The following NFIB variants were observed in gnomAD, a reference collection of about 807,000 sequenced individuals.
NFIB encodes nuclear factor I B, also known as nuclear factor 1 B-type.
A neutral mutation model predicts 61.5 loss-of-function variants in NFIB; 11 were observed. That is an observed-to-expected ratio of 0.18 (90% confidence interval 0.11 to 0.30). The LOEUF is 0.30. Ranked by LOEUF, NFIB falls within the 10% of genes least tolerant of loss-of-function variation. The probability of loss-of-function intolerance (pLI) is 1.00; values close to 1 mark genes in which losing one functional copy is unlikely to be tolerated. For missense variants in NFIB, 471 were observed against 608.9 expected (o/e 0.77, Z 2.38); for synonymous variants, 260 against 216.5 (o/e 1.20, Z -1.76).
intron 2 of NFIB, among the ~76,000 whole-genome samples, chr9:14,241,371 A>G (rs1398673942): frequency 6.6e-6 from 1 of 152,224 alleles, no homozygotes; most frequent in African/African-American, 2.4e-5. Flanking sequence ...TTCATAATAC[A>G]TAAGTATAAA....
At chr9:14,168,453 G>A (rs978455203) in intron 3 of NFIB, among the ~76,000 whole-genome samples, 3 of 152,222 alleles carry the variant, frequency 2.0e-5, no homozygotes, top group African/African-American at 7.2e-5. Flanking sequence ...ATTCTAGGCA[G>A]AGAAACAACA....
At chr9:14,405,478 G>A in the NFIB span, among the ~76,000 whole-genome samples, 2 of 152,232 alleles carry the variant, frequency 1.3e-5, no homozygotes, top group African/African-American at 4.8e-5. Flanking sequence ...CTGGAAAGAT[G>A]AAGATCTATG....
At chr9:14,365,901 A>G (rs1014665956) in intron 1 of NFIB, among the ~76,000 whole-genome samples, 1 of 151,902 alleles carries the variant, frequency 6.6e-6, no homozygotes, top group Non-Finnish European at 1.5e-5. Flanking sequence ...CTACCCAGGA[A>G]CTCCTTCCAT....
chr9:14,195,182 AC>A (rs1268212839), intron 2 of NFIB, among the ~76,000 whole-genome samples: 30 of 152,256 alleles, frequency 2.0e-4, no homozygotes, highest in African/African-American at 7.0e-4. Context: ...AAAACAAAAA[AC>A]AAAAAACTTT....
chr9:14,521,484 T>C, the NFIB span, among the ~76,000 whole-genome samples: 1 of 152,308 alleles, frequency 6.6e-6, no homozygotes, highest in Non-Finnish European at 1.5e-5. Context: ...TGGGCCTCAG[T>C]ATTTTTCTGC....
intron 2 of NFIB, 41 bp from the exon 3 acceptor site, chr9:14,179,821 T>C: frequency 6.2e-7 from 1 of 1,601,966 alleles, no homozygotes; most frequent in Non-Finnish European, 8.5e-7. Flanking sequence ...TTTAATTTGT[T>C]TTGAAAGAAT....
chr9:14,146,839 G>A (rs1162334977), intron 5 of NFIB, 32 bp from the exon 6 acceptor site: 5 of 1,593,812 alleles, frequency 3.1e-6, no homozygotes, highest in Non-Finnish European at 4.3e-6. Flanking sequence ...TATATTAATG[G>A]GATTTCTGGG....
intron 2 of NFIB, among the ~76,000 whole-genome samples, chr9:14,196,952 T>G (rs1437825759): frequency 3.3e-5 from 5 of 152,240 alleles, no homozygotes; most frequent in Non-Finnish European, 1.5e-5. Context: ...ACTTGGCAGT[T>G]TGAATCCAAT....
chr9:14,116,029 T>G (rs1209703767), intron 9 of NFIB, among the ~76,000 whole-genome samples, 179 bp downstream of exon 9: 1 of 152,248 alleles, frequency 6.6e-6, no homozygotes, highest in African/African-American at 2.4e-5. Flanking sequence ...GAGCCTGTGA[T>G]AGCAGGGCCA....
At chr9:14,095,919 T>C (rs976498508) in intron 10 of NFIB, among the ~76,000 whole-genome samples, 1 of 152,226 alleles carries the variant, frequency 6.6e-6, no homozygotes, top group African/African-American at 2.4e-5. Flanking sequence ...TGTAACTTTC[T>C]GCAATTTCAG....
At chr9:14,403,186 C>T (rs945091632), upstream of NFIB, among the ~76,000 whole-genome samples, 1 of 152,198 alleles carries the variant, frequency 6.6e-6, no homozygotes, top group Non-Finnish European at 1.5e-5. Flanking sequence ...TGGCTCTGCA[C>T]TCTTAAAATC....
At chr9:14,204,442 G>A in intron 2 of NFIB, 2 of 1,100,702 alleles carry the variant, frequency 1.8e-6, no homozygotes, top group Non-Finnish European at 1.4e-6. Flanking sequence ...GGTTGCAGCG[G>A]CAGAGAGTCA....
the NFIB span, among the ~76,000 whole-genome samples, chr9:14,445,555 C>A: frequency 6.6e-6 from 1 of 152,098 alleles, no homozygotes; most frequent in Non-Finnish European, 1.5e-5. Context: ...AATACTCTGG[C>A]TTCTATTTAG....
rs192918406 is a variant in NFIB, at chr9:14,146,235, T to C, written c.925+454A>G. 3.8e-4 allele frequency among the ~76,000 whole-genome samples: 58 copies of C among 152,298 alleles called. No individual in the cohort carries two copies. The East Asian group carries it at 0.01, about 26-fold the overall frequency. On this transcript the variant is annotated intron_variant, in intron 6 of 10. Coordinates refer to ENST00000380953, the MANE Select transcript of NFIB (RefSeq NM_001190737.2). Reference sequence around the variant, plus strand: ...GTATCTTACATTACACTTTTCTTTATTGTATATGGTCTACCTACTTCCAAA... The same window carrying C: ...GTATCTTACATTACACTTTTCTTTACTGTATATGGTCTACCTACTTCCAAA...
intron 1 of NFIB, among the ~76,000 whole-genome samples, chr9:14,394,137 AG>A (rs1254151282): frequency 1.3e-5 from 2 of 152,234 alleles, no homozygotes; most frequent in African/African-American, 4.8e-5. Flanking sequence ...GGGGTGAATA[AG>A]AAAGGCCTAT....
chr9:14,313,438 T>C lies in NFIB; in HGVS notation c.30+44A>G. 6.2e-7 allele frequency: 1 copy of C among 1,613,188 alleles called. No individual in the cohort carries two copies. Among genetic ancestry groups the C allele is most frequent in the Non-Finnish European group, 8.5e-7 (1 of 1,179,524 alleles). On this transcript the variant is annotated intron_variant, in intron 1 of 10. Transcript: ENST00000380953. The surrounding 1 kb of genome is among the most constrained non-coding windows in gnomAD (Gnocchi z 4.5). ...CCGCAACAAAACAAAACAAAGGCATTTCGGGCCAGAGAGAAAGCTCGAGAA... is the reference window on the plus strand; with the variant it reads ...CCGCAACAAAACAAAACAAAGGCATCTCGGGCCAGAGAGAAAGCTCGAGAA...
the NFIB span, among the ~76,000 whole-genome samples, chr9:14,413,117 C>G: frequency 6.6e-6 from 1 of 152,156 alleles, no homozygotes; most frequent in Non-Finnish European, 1.5e-5. Flanking sequence ...TGTGCTCTCT[C>G]CATCTGTTGG....
chr9:14,216,275 T>C (rs2050847282), intron 2 of NFIB, among the ~76,000 whole-genome samples: 1 of 152,188 alleles, frequency 6.6e-6, no homozygotes, highest in Non-Finnish European at 1.5e-5. Flanking sequence ...AAATACAATT[T>C]GGCACTCAGG....
intron 2 of NFIB, among the ~76,000 whole-genome samples, chr9:14,225,105 T>A (rs945233564): frequency 6.6e-6 from 1 of 152,160 alleles, no homozygotes; most frequent in African/African-American, 2.4e-5. Flanking sequence ...AGCACCATTC[T>A]ACTCTGCTTC....
Sources: gnomAD v4.1 joint callset for allele counts (sites outside exome capture counted in the v4.1 genomes callset) on GRCh38, gnomAD v4.1.1 for gene constraint, Gnocchi (gnomAD v3.1) non-coding constraint, MANE v1.5 for transcripts, NCBI Gene and HGNC (gene_info 2026-07-23, HGNC 2026-07-21) for gene names.